AMBRA1: variants seen among roughly 807,000 people sequenced by gnomAD.
The protein encoded by AMBRA1 is autophagy and beclin 1 regulator 1.
AMBRA1 carries 47 observed loss-of-function variants against 125.4 expected under a neutral mutation model. The observed-to-expected ratio is 0.37, with a 90% CI of 0.30 to 0.48. AMBRA1 has a LOEUF of 0.48. Ranked by LOEUF, AMBRA1 falls within the 20% of genes least tolerant of loss-of-function variation. The pLI is 0.99. For missense variants in AMBRA1, 1,331 were observed against 1,693.4 expected (o/e 0.79, Z 3.76); for synonymous variants, 626 against 655.5 (o/e 0.95, Z 0.69).
At chr11:46,497,084 C>A (rs1364104289) in intron 9 of AMBRA1, among the ~76,000 whole-genome samples, 1 of 151,434 alleles carries the variant, frequency 6.6e-6, no homozygotes, top group Admixed American at 6.6e-5. Context: ...GCATTCCAGC[C>A]TGGGTGACAG....
chr11:46,423,991 A>C (rs1379793241), intron 14 of AMBRA1, among the ~76,000 whole-genome samples: 1 of 148,198 alleles, frequency 6.7e-6, no homozygotes, highest in Admixed American at 6.7e-5. Flanking sequence ...TCGAACTCCT[A>C]ATCTCAGGTG....
chr11:46,460,587 T>A (rs187307266), intron 11 of AMBRA1, among the ~76,000 whole-genome samples: 10 of 152,310 alleles, frequency 6.6e-5, no homozygotes, highest in Admixed American at 2.6e-4. Context: ...CCTCCCAAAG[T>A]GCTGGCATTA....
intron 11 of AMBRA1, among the ~76,000 whole-genome samples, chr11:46,447,457 C>T (rs974523137): frequency 5.9e-5 from 9 of 152,056 alleles, no homozygotes; most frequent in African/African-American, 1.9e-4. Flanking sequence ...ATTGCTTGAA[C>T]CCAGGAGGAG....
intron 17 of AMBRA1, among the ~76,000 whole-genome samples, chr11:46,407,475 G>A (rs1946079318): frequency 6.6e-6 from 1 of 152,224 alleles, no homozygotes; most frequent in African/African-American, 2.4e-5. Context: ...GGCAGAAGGA[G>A]CCTTCCACCA....
Position 46,397,371 on chromosome 11 carries a change from C to A in AMBRA1, c.*79G>T. On this transcript the variant is annotated 3_prime_UTR_variant, in exon 18 of 18. Transcript: ENST00000683756. Reference sequence around the variant, plus strand: ...CCTGATGCAGCCAGCAGCTCTTCCACATGTCCAGTTCCCAGTCAGCTGTGA... The same window carrying A: ...CCTGATGCAGCCAGCAGCTCTTCCAAATGTCCAGTTCCCAGTCAGCTGTGA... The A allele has an allele frequency of 7.1e-7, 1 of 1,417,520 alleles. No homozygotes were observed. Among genetic ancestry groups the A allele is most frequent in the Non-Finnish European group, 9.2e-7 (1 of 1,085,028 alleles). The allele number at this position is 1,417,520 out of a possible 1,614,324, so 87.8% of individuals were successfully genotyped here.
At chr11:46,400,516 A>C (rs1413030955) in intron 17 of AMBRA1, among the ~76,000 whole-genome samples, 1 of 87,138 alleles carries the variant, frequency 1.1e-5, no homozygotes, top group Non-Finnish European at 2.0e-5. Context: ...TTTTGAGACC[A>C]GGTCTCGCTA....
chr11:46,454,643 T>C (rs1046820726), intron 11 of AMBRA1, among the ~76,000 whole-genome samples: 1 of 150,098 alleles, frequency 6.7e-6, no homozygotes. Context: ...CCCAGCTACT[T>C]GGGAGGCTGA....
chr11:46,469,877 T>C (rs1033029394), intron 11 of AMBRA1, among the ~76,000 whole-genome samples: 1 of 148,566 alleles, frequency 6.7e-6, no homozygotes, highest in African/African-American at 2.5e-5. Flanking sequence ...ATGGTCTCAC[T>C]ATGTTGCCCA....
rs1952854585 is a variant in AMBRA1, at chr11:46,543,509, C to T, written c.619-111G>A. 8.6e-6 allele frequency: 12 copies of T among 1,392,586 alleles called. No homozygotes were observed. In the South Asian group the frequency reaches 1.6e-4, roughly 19 times the overall value. 86.3% of individuals were successfully genotyped at this position (1,392,586 alleles called of 1,614,324 possible). On this transcript the variant is annotated intron_variant, in intron 6 of 17. Coordinates refer to ENST00000683756, the MANE Select transcript of AMBRA1 (RefSeq NM_001387011.1). ...ACAATCATCCAAGGAAAACAATGTTCATAGGTAGGAAACAACTCTCTACCC... is the reference window on the plus strand; with the variant it reads ...ACAATCATCCAAGGAAAACAATGTTTATAGGTAGGAAACAACTCTCTACCC...
In AMBRA1 at chr11:46,539,681, C is replaced by T. The variant is rs149897089; in HGVS notation, c.2072+2264G>A. Among the ~76,000 whole-genome samples, 4 of 152,292 alleles carry T rather than the reference C, an allele frequency of 2.6e-5. No homozygotes were observed. The East Asian group carries it at 7.7e-4, about 29-fold the overall frequency. ...CTATTATATGATCTTTCACAAGAAA[C>T]TGACTTCCCTGAGCCTCACTTTCCT... On this transcript the variant is annotated intron_variant, in intron 7 of 17. Transcript: ENST00000683756.
At chr11:46,405,072 T>C (rs1224126874) in intron 17 of AMBRA1, among the ~76,000 whole-genome samples, 3 of 152,310 alleles carry the variant, frequency 2.0e-5, no homozygotes, top group South Asian at 4.1e-4. Flanking sequence ...GAACACAAAT[T>C]AGTGGTCCTT....
chr11:46,491,418 G>A (rs974480275), intron 11 of AMBRA1: 10 of 152,132 alleles, frequency 6.6e-5, no homozygotes, highest in Non-Finnish European at 1.5e-4. Flanking sequence ...AGACAGAAAC[G>A]AAATATGTGT....
intron 17 of AMBRA1, among the ~76,000 whole-genome samples, chr11:46,401,843 T>C (rs937540906): frequency 6.6e-6 from 1 of 152,218 alleles, no homozygotes; most frequent in Non-Finnish European, 1.5e-5. Flanking sequence ...TCTGGTTAAG[T>C]CTGCACCCTG....
intron 16 of AMBRA1, among the ~76,000 whole-genome samples, chr11:46,409,211 T>C (rs1946169097): frequency 1.4e-5 from 2 of 147,678 alleles, no homozygotes; most frequent in Non-Finnish European, 3.0e-5. Flanking sequence ...CTGGAACTCT[T>C]TTTTTTTTTT....
At chr11:46,414,750 G>A (rs533835993) in intron 15 of AMBRA1, among the ~76,000 whole-genome samples, 8 of 152,292 alleles carry the variant, frequency 5.3e-5, no homozygotes, top group East Asian at 1.9e-4. Context: ...CAGGAAGGGC[G>A]GGATGACTGC....
At chr11:46,552,853 TG>T (rs1409019997) in intron 1 of AMBRA1, among the ~76,000 whole-genome samples, 1 of 152,158 alleles carries the variant, frequency 6.6e-6, no homozygotes, top group Non-Finnish European at 1.5e-5. Context: ...GTGGCATTAT[TG>T]GTGATTTAAT....
chr11:46,576,453 A>G (rs1291440013), intron 1 of AMBRA1, among the ~76,000 whole-genome samples: 3 of 152,166 alleles, frequency 2.0e-5, no homozygotes, highest in African/African-American at 4.8e-5. Flanking sequence ...ATTAACCATC[A>G]AACAATTATG....
intron 12 of AMBRA1, among the ~76,000 whole-genome samples, chr11:46,437,654 G>A (rs1017437554): frequency 6.6e-6 from 1 of 152,200 alleles, no homozygotes; most frequent in Non-Finnish European, 1.5e-5. Flanking sequence ...CCATTCACTT[G>A]TGCAGCTTCC....
intron 1 of AMBRA1, among the ~76,000 whole-genome samples, chr11:46,564,888 G>A (rs1193239124): frequency 6.6e-6 from 1 of 152,046 alleles, no homozygotes; most frequent in African/African-American, 2.4e-5. Context: ...TTATTTCTTC[G>A]ATATCTACAG....
Sources: allele counts gnomAD v4.1 joint callset (sites outside exome capture counted in the v4.1 genomes callset), GRCh38; gene constraint gnomAD v4.1.1; transcripts MANE v1.5; gene names NCBI Gene and HGNC (gene_info 2026-07-23, HGNC 2026-07-21).